GBF1: variants seen among roughly 807,000 people sequenced by gnomAD.
GBF1 encodes the protein Golgi-specific brefeldin A-resistance guanine nucleotide exchange factor 1.
GBF1 carries 114 observed loss-of-function variants against 210.5 expected under a neutral mutation model. The observed-to-expected ratio is 0.54, with a 90% CI of 0.47 to 0.63. The LOEUF (loss-of-function observed/expected upper bound fraction) is 0.63, where lower values mean the gene tolerates loss of function less well. Ranked by LOEUF, GBF1 falls within the 30% of genes least tolerant of loss-of-function variation. The pLI is 0.00. For missense variants in GBF1, 1,851 were observed against 2,357.7 expected (o/e 0.79, Z 4.45); for synonymous variants, 850 against 889.2 (o/e 0.96, Z 0.78).
At chr10:102,305,380 A>G (rs934575427) in intron 3 of GBF1, among the ~76,000 whole-genome samples, 1 of 152,170 alleles carries the variant, frequency 6.6e-6, no homozygotes, top group Non-Finnish European at 1.5e-5. Flanking sequence ...TGGGAGGCCA[A>G]GACAGGCAGA....
At chr10:102,295,764 A>G (rs950106876) in intron 3 of GBF1, among the ~76,000 whole-genome samples, 1 of 152,204 alleles carries the variant, frequency 6.6e-6, no homozygotes, top group Non-Finnish European at 1.5e-5. Flanking sequence ...TCGAAGAGGA[A>G]TATTAGAATG....
At chr10:102,358,923 C>G (rs893810695) in intron 10 of GBF1, among the ~76,000 whole-genome samples, 194 bp downstream of exon 10, 2 of 152,162 alleles carry the variant, frequency 1.3e-5, no homozygotes, top group African/African-American at 4.8e-5. Context: ...TGAGAGATAG[C>G]TCATGAGATT....
chr10:102,352,219 G>A (rs529683514), intron 6 of GBF1, among the ~76,000 whole-genome samples: 2 of 152,280 alleles, frequency 1.3e-5, no homozygotes, highest in African/African-American at 4.8e-5. Flanking sequence ...GGGTTTCTGG[G>A]ATTGACACCA....
At chr10:102,233,144 A>G in the GBF1 span, among the ~76,000 whole-genome samples, 1 of 151,984 alleles carries the variant, frequency 6.6e-6, no homozygotes, top group Non-Finnish European at 1.5e-5. Flanking sequence ...TCAACTCAGA[A>G]CGCTTGTTTT....
At position 102,367,458 on chromosome 10, in the gene GBF1, A is replaced by G; in HGVS notation, c.2560-20A>G. On this transcript the variant is annotated intron_variant, in intron 20 of 39. Transcript: ENST00000369983. ...TTCAGTGTTGACACAAGGGGAAAAA[A>G]CTTACTGGCCTGTCTCTAGGAGTTT... The G allele has an allele frequency of 6.5e-7, 1 of 1,549,880 alleles. No individual in the cohort carries two copies. The highest frequency in any genetic ancestry group is 8.9e-7 in the Non-Finnish European group (1 of 1,121,352).
chr10:102,261,980 G>A (rs895069641), intron 3 of GBF1, among the ~76,000 whole-genome samples: 4 of 152,206 alleles, frequency 2.6e-5, no homozygotes, highest in Admixed American at 6.5e-5. Flanking sequence ...TGCTTCTTGG[G>A]TTCAAGCAAG....
At chr10:102,324,277 G>T (rs1287732424) in intron 3 of GBF1, among the ~76,000 whole-genome samples, 3 of 152,198 alleles carry the variant, frequency 2.0e-5, no homozygotes, top group Admixed American at 6.5e-5. Flanking sequence ...AACAGAATGG[G>T]TGTGAAATTT....
At chr10:102,318,347 C>T (rs535553292) in intron 3 of GBF1, among the ~76,000 whole-genome samples, 30 of 152,058 alleles carry the variant, frequency 2.0e-4, no homozygotes, top group Admixed American at 5.2e-4. Context: ...TCATCACACC[C>T]GGCTAATTTT....
chr10:102,285,132 C>T (rs1347728255), intron 3 of GBF1, among the ~76,000 whole-genome samples: 2 of 152,144 alleles, frequency 1.3e-5, no homozygotes, highest in Admixed American at 6.5e-5. Context: ...CAATAAACAG[C>T]GAACACAGAT....
intron 8 of GBF1, among the ~76,000 whole-genome samples, chr10:102,354,610 C>T (rs760144775): frequency 3.3e-5 from 5 of 152,112 alleles, no homozygotes; most frequent in African/African-American, 1.2e-4. Flanking sequence ...AAGAGTTGCA[C>T]GTGATTGTAG....
chr10:102,299,237 A>C (rs756073025), intron 3 of GBF1, among the ~76,000 whole-genome samples: 11 of 152,230 alleles, frequency 7.2e-5, no homozygotes, highest in Non-Finnish European at 1.6e-4. Flanking sequence ...TGCTGAGTGA[A>C]TGATTCCAGT....
In GBF1 at chr10:102,368,488, A is replaced by C. The variant is rs760046707; in HGVS notation, c.2879+34A>C. On this transcript the variant is annotated intron_variant, in intron 22 of 39. Transcript: ENST00000369983. ...GCTTTGGCCTTGGTCTTCACCTCCC[A>C]CTAGCTCTGTGAGCTAACATGGTTT... is the stretch of plus-strand genomic sequence containing the variant. The C allele has an allele frequency of 2.2e-5, 25 of 1,150,606 alleles. No homozygotes were observed. The East Asian group carries it at 5.8e-4, about 27-fold the overall frequency. The allele number at this position is 1,150,606 out of a possible 1,614,324, so 71.3% of individuals were successfully genotyped here.
the GBF1 span, chr10:102,231,113 G>C: frequency 2.0e-6 from 3 of 1,521,884 alleles, no homozygotes; most frequent in East Asian, 7.0e-5. Flanking sequence ...TGCGGGCACG[G>C]GAGAAAGGCG....
At chr10:102,295,048 CTT>C (rs2076805522) in intron 3 of GBF1, among the ~76,000 whole-genome samples, 1 of 152,180 alleles carries the variant, frequency 6.6e-6, no homozygotes, top group Non-Finnish European at 1.5e-5. Context: ...TCTTTCATCT[CTT>C]TTAGTAGATT....
chr10:102,371,686 C>T (rs865793357), intron 29 of GBF1, among the ~76,000 whole-genome samples: 5 of 152,220 alleles, frequency 3.3e-5, no homozygotes, highest in South Asian at 4.1e-4. Context: ...CTCAGCACTG[C>T]GGGAGGCCAC....
intron 33 of GBF1, among the ~76,000 whole-genome samples, chr10:102,378,439 A>T (rs2060640528): frequency 6.6e-6 from 1 of 151,588 alleles, no homozygotes. Flanking sequence ...CCTGGGAAAA[A>T]TAGCGAGACC....
chr10:102,369,351 C>T lies in GBF1; in HGVS notation c.3114C>T (p.Leu1038=), dbSNP rs1266089330. 2 of 1,613,904 alleles carry T rather than the reference C, an allele frequency of 1.2e-6. No homozygotes were observed. Among genetic ancestry groups the T allele is most frequent in the Non-Finnish European group, 1.7e-6 (2 of 1,179,784 alleles). The change falls in exon 24 of 40, where the codon CTC becomes CTT. Residue 1038 remains leucine, a synonymous_variant. Coordinates refer to ENST00000369983, the MANE Select transcript of GBF1 (RefSeq NM_001377137.1). ...WKNIMEAMLQ[L]FRAQLLPKAM... The stretch of plus-strand genomic sequence containing the variant: ...ATATCATGGAGGCCATGCTGCAGCT[C>T]TTCCGAGCCCAACTACTGCCCAAGG...
At chr10:102,293,359 G>A in intron 3 of GBF1, among the ~76,000 whole-genome samples, 1 of 152,026 alleles carries the variant, frequency 6.6e-6, no homozygotes, top group East Asian at 1.9e-4. Context: ...CATAAATTAT[G>A]TACAGTATAT....
Position 102,370,738 on chromosome 10 carries a change from C to T in GBF1, c.3538C>T (p.Arg1180Ter), listed in dbSNP as rs372057718. ...DRVGCVWQTV[R>*]DHLYHLCVQA... Reference sequence around the variant, plus strand: ...TGTGGGCTGTGTGTGGCAGACTGTTCGAGACCATCTATACCACCTCTGTGT... The same window carrying T: ...TGTGGGCTGTGTGTGGCAGACTGTTTGAGACCATCTATACCACCTCTGTGT... The change falls in exon 29 of 40, where the codon CGA (arginine) becomes TGA (stop). Residue 1180 changes from arginine to a stop codon, truncating the protein, a stop_gained. Transcript: ENST00000369983. LOFTEE classifies it high-confidence loss of function. 3 of 1,613,872 alleles carry T rather than the reference C, an allele frequency of 1.9e-6. No homozygotes were observed. Among genetic ancestry groups the T allele is most frequent in the Non-Finnish European group, 2.5e-6 (3 of 1,179,910 alleles).
Sources: gnomAD v4.1 joint callset for allele counts (sites outside exome capture counted in the v4.1 genomes callset) on GRCh38, gnomAD v4.1.1 for gene constraint, MANE v1.5 for transcripts, NCBI Gene and HGNC (gene_info 2026-07-23, HGNC 2026-07-21) for gene names.